Variants in RASGRF2 observed in about 807,000 individuals in gnomAD.
RASGRF2 encodes Ras protein specific guanine nucleotide releasing factor 2.
In RASGRF2, 76 loss-of-function variants were observed where a neutral mutation model predicts 151.0. The observed-to-expected ratio is 0.50, with a 90% CI of 0.42 to 0.61. The LOEUF (loss-of-function observed/expected upper bound fraction) is 0.61, where lower values mean the gene tolerates loss of function less well. Ranked by LOEUF, RASGRF2 falls within the 20% of genes least tolerant of loss-of-function variation. The pLI, the probability that RASGRF2 is intolerant of heterozygous loss-of-function variation, is 0.00. For synonymous variants in RASGRF2, 504 were observed against 566.5 expected, an observed-to-expected ratio of 0.89 and a Z score of 1.57; for missense variants, 1,148 against 1,564.6, an observed-to-expected ratio of 0.73 and a Z score of 4.49.
chr5:81,091,862 T>C (rs1166804880), intron 9 of RASGRF2, among the ~76,000 whole-genome samples: 3 of 152,160 alleles, frequency 2.0e-5, no homozygotes, highest in Non-Finnish European at 4.4e-5. Flanking sequence ...TAATGATTCT[T>C]CTGAGGGTAA....
At chr5:81,104,806 T>G (rs600688) in intron 12 of RASGRF2, among the ~76,000 whole-genome samples, 59,550 of 151,912 alleles carry the variant, frequency 0.39, 12,189 homozygotes, top group Middle Eastern at 0.63. Flanking sequence ...GCACCATAGA[T>G]GAAGGGTGGA....
At chr5:81,013,004 G>A (rs1749517284) in intron 1 of RASGRF2, among the ~76,000 whole-genome samples, 1 of 152,160 alleles carries the variant, frequency 6.6e-6, no homozygotes, top group Admixed American at 6.5e-5. Context: ...CAACAGATTT[G>A]GGAAGAAGCA....
chr5:81,122,386 AT>A, intron 15 of RASGRF2, among the ~76,000 whole-genome samples: 1 of 152,072 alleles, frequency 6.6e-6, no homozygotes, highest in East Asian at 1.9e-4. Context: ...CTAAGCACTG[AT>A]TTTTTTTGTC....
chr5:81,066,813 T>C (rs1561588536), intron 2 of RASGRF2, among the ~76,000 whole-genome samples: 1 of 152,210 alleles, frequency 6.6e-6, no homozygotes, highest in Non-Finnish European at 1.5e-5. Context: ...TGGTTTAGCT[T>C]GCACCAGTTA....
intron 1 of RASGRF2, among the ~76,000 whole-genome samples, chr5:80,974,186 C>G (rs1748034825): frequency 6.6e-6 from 1 of 152,156 alleles, no homozygotes; most frequent in African/African-American, 2.4e-5. Context: ...TGCAATTGTT[C>G]CAGACAGTTC....
chr5:81,022,690 A>G (rs1407437010), intron 1 of RASGRF2, among the ~76,000 whole-genome samples: 1 of 151,816 alleles, frequency 6.6e-6, no homozygotes, highest in African/African-American at 2.4e-5. Context: ...TGTGCTCCCA[A>G]CTCACTGGGA....
rs146075332 is a variant in RASGRF2, at chr5:80,988,649, C to T, written c.288+27623C>T. ...TTAGCAGTCTAACCTTTCTGTGCTT[C>T]TGCTTTCATCTCTTAATGAGGCAGA... is the stretch of plus-strand genomic sequence containing the variant. On this transcript the variant is annotated intron_variant, in intron 1 of 26. Transcript: ENST00000265080. Among the ~76,000 whole-genome samples the T allele has an allele frequency of 1.2e-3, 188 of 152,304 alleles. 2 individuals carry two copies. Among genetic ancestry groups the T allele is most frequent in the African/African-American group, 4.3e-3 (177 of 41,566 alleles).
Position 81,113,571 on chromosome 5 carries a change from C to A in RASGRF2, c.2121C>A (p.Asn707Lys). 3.1e-6 allele frequency: 5 copies of A among 1,610,948 alleles called. No individual in the cohort carries two copies. Among genetic ancestry groups the A allele is most frequent in the Non-Finnish European group, 4.2e-6 (5 of 1,177,142 alleles). ...AATTGTTTTTTGCTACCAGCCAGAA[C>A]AACAGAGGTGAACATTTGGTGGATG... is the stretch of plus-strand genomic sequence containing the variant. Reference protein sequence around the residue: ...SLELFFATSQNNRGEHLVDGK... With the variant: ...SLELFFATSQKNRGEHLVDGK... The change falls in exon 15 of 27, where the codon AAC becomes AAA. Residue 707 changes from asparagine (N) to lysine (K), a missense_variant. By Grantham distance (94) the Asn-to-Lys change is moderately conservative. This residue lies in a region of RASGRF2 where 646 missense variants were observed against 807.4 expected (regional missense o/e 0.80). Transcript: ENST00000265080.
chr5:80,978,815 C>G (rs1319887430), intron 1 of RASGRF2, among the ~76,000 whole-genome samples: 1 of 151,782 alleles, frequency 6.6e-6, no homozygotes, highest in African/African-American at 2.4e-5. Context: ...GGGGGGGAAA[C>G]AAAACTGGGA....
chr5:81,146,251 T>C (rs1013589455), intron 17 of RASGRF2, among the ~76,000 whole-genome samples: 1 of 152,224 alleles, frequency 6.6e-6, no homozygotes, highest in Admixed American at 6.5e-5. Flanking sequence ...AGGAACTTAA[T>C]GGTTCCAGTC....
chr5:81,227,484 A>C lies in RASGRF2; in HGVS notation c.*1714A>C, dbSNP rs919048943. The C allele has an allele frequency of 2.0e-5, 3 of 152,130 alleles. No homozygotes were observed. The highest frequency in any genetic ancestry group is 7.2e-5 in the African/African-American group (3 of 41,436). 9.4% of individuals were successfully genotyped at this position (152,130 alleles called of 1,614,324 possible). ...ATGGATGCTTTCTTTTTCTTTTTTAAAGTTGCTTGTTTGTTCTCTTTAGTT... is the reference window on the plus strand; with the variant it reads ...ATGGATGCTTTCTTTTTCTTTTTTACAGTTGCTTGTTTGTTCTCTTTAGTT... On this transcript the variant is annotated 3_prime_UTR_variant, in exon 27 of 27. Coordinates refer to ENST00000265080, the MANE Select transcript of RASGRF2 (RefSeq NM_006909.3).
Position 81,020,730 on chromosome 5 carries a change from A to G in RASGRF2, c.289-22147A>G, listed in dbSNP as rs1218340016. On this transcript the variant is annotated intron_variant, in intron 1 of 26. Transcript: ENST00000265080. ...GACATGAGTCAGAAAGTCCAGCAAG[A>G]ATCTGTAGGTGCGGAATGGCCCAGG... is the stretch of plus-strand genomic sequence containing the variant. Among the ~76,000 whole-genome samples, 3 of 152,206 alleles carry G rather than the reference A, an allele frequency of 2.0e-5. No individual in the cohort carries two copies. The East Asian group carries it at 5.8e-4, about 29-fold the overall frequency.
intron 17 of RASGRF2, among the ~76,000 whole-genome samples, chr5:81,150,742 T>A (rs1456409924): frequency 6.6e-6 from 1 of 152,158 alleles, no homozygotes; most frequent in Non-Finnish European, 1.5e-5. Context: ...AGTTTAAATT[T>A]AAAAAAACAT....
At chr5:81,214,150 T>C (rs894205242) in intron 23 of RASGRF2, among the ~76,000 whole-genome samples, 4 of 152,252 alleles carry the variant, frequency 2.6e-5, no homozygotes, top group African/African-American at 4.8e-5. Context: ...TTTGATAGGA[T>C]GCTGGTTTAG....
intron 17 of RASGRF2, among the ~76,000 whole-genome samples, chr5:81,141,269 T>G (rs1335340789): frequency 1.3e-5 from 2 of 152,168 alleles, no homozygotes; most frequent in African/African-American, 4.8e-5. Context: ...TATCTTCTAT[T>G]CCTTTTACTG....
chr5:80,969,162 G>A (rs1249667224), intron 1 of RASGRF2, among the ~76,000 whole-genome samples: 21 of 119,508 alleles, frequency 1.8e-4, no homozygotes, highest in Admixed American at 1.4e-3. Context: ...TTGGAGTCTC[G>A]CTCTGTCACC....
chr5:81,105,312 A>G (rs781668713), intron 12 of RASGRF2, among the ~76,000 whole-genome samples: 15 of 152,102 alleles, frequency 9.9e-5, no homozygotes, highest in Non-Finnish European at 2.2e-4. Flanking sequence ...TCCCTAAGAA[A>G]CAGGTTAAAT....
At position 81,212,406 on chromosome 5, in the gene RASGRF2, A is replaced by T. The variant is rs1193175461; in HGVS notation, c.3197A>T (p.Asp1066Val). ...GCCTCCCAGATAATGAACTATGCTG[A>T]TGTCAGCTCCCGTGCCAACGCCATC... The part of the protein sequence containing the change: ...LVASQIMNYA[D>V]VSSRANAIEK... The change falls in exon 23 of 27, where the codon GAT (aspartate) becomes GTT (valine). Residue 1066 changes from aspartate (D) to valine (V), a missense_variant. Physicochemically the swap from Asp to Val is radical, Grantham distance 152 (BLOSUM62 -3). Transcript: ENST00000265080. The T allele has an allele frequency of 8.1e-6, 13 of 1,613,512 alleles. No individual in the cohort carries two copies. The highest frequency in any genetic ancestry group is 9.3e-6 in the Non-Finnish European group (11 of 1,179,694).
chr5:81,149,655 C>T (rs905412393), intron 17 of RASGRF2, among the ~76,000 whole-genome samples: 2 of 152,128 alleles, frequency 1.3e-5, no homozygotes, highest in East Asian at 3.9e-4. Context: ...AATCCACCCT[C>T]CATGAGTTTC....
Sources: allele counts gnomAD v4.1 joint callset (sites outside exome capture counted in the v4.1 genomes callset), GRCh38; gene constraint gnomAD v4.1.1; regional missense constraint gnomAD v4.1.1; transcripts MANE v1.5; gene names NCBI Gene and HGNC (gene_info 2026-07-23, HGNC 2026-07-21).